HLA-DQB1: variants seen among roughly 807,000 people sequenced by gnomAD.
HLA-DQB1 encodes the protein HLA class II histocompatibility antigen, DQ beta 1 chain.
HLA-DQB1 carries 13 observed loss-of-function variants against 26.4 expected under a neutral mutation model. That is an observed-to-expected ratio of 0.49 (90% CI 0.32 to 0.78). HLA-DQB1 has a LOEUF of 0.78. Ranked by LOEUF, HLA-DQB1 falls within the 30% of genes least tolerant of loss-of-function variation. HLA-DQB1 has a pLI of 0.03. For missense variants in HLA-DQB1, 158 were observed against 326.2 expected, an observed-to-expected ratio of 0.48 and a Z score of 3.97; for synonymous variants, 60 against 129.1, an observed-to-expected ratio of 0.46 and a Z score of 3.63.
At chr6:32,666,450 A>T (rs183607390) in intron 1 of HLA-DQB1, 49 bp downstream of exon 1, 11,675 of 680,532 alleles carry the variant, frequency 0.017, 889 homozygotes, top group South Asian at 0.12. Context: ...GCCCAAGGAG[A>T]GCCTGTTCCC....
intron 3 of HLA-DQB1, 166 bp from the exon 4 acceptor site, chr6:32,661,623 A>T: frequency 2.4e-6 from 1 of 418,466 alleles, no homozygotes; most frequent in South Asian, 2.7e-5. Flanking sequence ...AGGTCCTTGG[A>T]TACAGTGAAT....
intron 4 of HLA-DQB1, chr6:32,660,770 C>A: frequency 1.4e-6 from 1 of 729,318 alleles, no homozygotes; most frequent in Non-Finnish European, 2.2e-6. Context: ...AGGCCATGAA[C>A]ATGGACCACT....
chr6:32,661,494 C>G, intron 3 of HLA-DQB1, 37 bp from the exon 4 acceptor site: 1 of 1,023,422 alleles, frequency 9.8e-7, no homozygotes, highest in Non-Finnish European at 1.4e-6. Context: ...TTTGTCCCCA[C>G]ACCCCATAGC....
At position 32,665,263 on chromosome 6, in the gene HLA-DQB1, C is replaced by A. The variant is rs281861890; in HGVS notation, c.110-196G>T. 2.3e-5 allele frequency among the ~76,000 whole-genome samples: 3 copies of A among 132,076 alleles called. No individual in the cohort carries two copies. In the Admixed American group the frequency reaches 2.4e-4, roughly 10 times the overall value. 86.6% of individuals were successfully genotyped at this position (132,076 alleles called of 152,430 possible). On this transcript the variant is annotated intron_variant, in intron 1 of 4. Transcript: ENST00000434651. The stretch of plus-strand genomic sequence containing the variant: ...CGCCTTCTTTGCGGGCTTCTGGAAT[C>A]TGCCTTCCTACATCCAGGAAAGGGA...
chr6:32,665,113 C>T lies in HLA-DQB1; in HGVS notation c.110-46G>A. 2.1e-6 allele frequency: 2 copies of T among 931,890 alleles called. 1 individual carries two copies. The highest frequency in any genetic ancestry group is 3.7e-5 in the South Asian group (2 of 54,774). 57.7% of individuals were successfully genotyped at this position (931,890 alleles called of 1,614,324 possible). The stretch of plus-strand genomic sequence containing the variant: ...GTCAGTCAGGCCCCAGCCCGGCCGC[C>T]CCCGCAGCCGCCGCCCTGACCCGGC... On this transcript the variant is annotated intron_variant, in intron 1 of 4. Transcript: ENST00000434651.
Position 32,665,216 on chromosome 6 carries a change from G to C in HLA-DQB1, c.110-149C>G, listed in dbSNP as rs281861928. The C allele has an allele frequency of 5.3e-5, 25 of 471,978 alleles. No individual in the cohort carries two copies. In the East Asian group the frequency reaches 6.3e-4, roughly 12 times the overall value. The allele number at this position is 471,978 out of a possible 1,614,324, so 29.2% of individuals were successfully genotyped here. ...GGCGCTCCAGACCTGGGATCCTCCC[G>C]GCGGCTCTGCCCAGCTCTGCCCGCC... is the stretch of plus-strand genomic sequence containing the variant. On this transcript the variant is annotated intron_variant, in intron 1 of 4. Coordinates refer to ENST00000434651, the Ensembl canonical transcript of HLA-DQB1.
chr6:32,662,202 G>T lies in HLA-DQB1; in HGVS notation c.426C>A (p.Asn142Lys), dbSNP rs746695492. 8.1e-6 allele frequency: 12 copies of T among 1,486,990 alleles called. 1 individual carries two copies. In the African/African-American group the frequency reaches 1.3e-4, roughly 16 times the overall value. The allele number at this position is 1,486,990 out of a possible 1,614,324, so 92.1% of individuals were successfully genotyped here. Residue 142 changes from asparagine to lysine, a missense_variant, in exon 3 of 5, where the codon AAC becomes AAA. Coordinates refer to ENST00000434651, the Ensembl canonical transcript of HLA-DQB1. ...CCGAGCAGACCAGCAGGTTGTGGTG[G>T]TTGAGGGCCTCTGTCCTGGATGGGG...
intron 4 of HLA-DQB1, chr6:32,660,849 GA>G: frequency 6.8e-7 from 1 of 1,480,504 alleles, no homozygotes; most frequent in Non-Finnish European, 9.1e-7. Context: ...GATCATGGCT[GA>G]AATATTACCT....
chr6:32,664,722 C>CGA lies in HLA-DQB1; in HGVS notation c.379+75_379+76insTC, dbSNP rs1334657097. ...TGGGCTCAGATTTCAGAGACCTCGC[C>CGA]CCCATCGCCCCTCCCGGCACAGAAA... is the stretch of plus-strand genomic sequence containing the variant. On this transcript the variant is annotated intron_variant, in intron 2 of 4. Coordinates refer to ENST00000434651, the Ensembl canonical transcript of HLA-DQB1. The CGA allele has an allele frequency of 1.9e-3, 1,024 of 550,438 alleles. 99 individuals carry two copies. Among genetic ancestry groups the CGA allele is most frequent in the South Asian group, 4.1e-3 (156 of 37,710 alleles). The allele number at this position is 550,438 out of a possible 1,614,324, so 34.1% of individuals were successfully genotyped here.
At chr6:32,660,299 T>A in intron 4 of HLA-DQB1, 50 bp from the exon 5 acceptor site, 2 of 956,428 alleles carry the variant, frequency 2.1e-6, no homozygotes, top group South Asian at 1.7e-5. Flanking sequence ...CTGGTGGGCC[T>A]GCCATCTCCC....
chr6:32,664,839 T>A, exon 2 of HLA-DQB1: 1 of 1,113,454 alleles, frequency 9.0e-7, no homozygotes, highest in South Asian at 1.3e-5. Context: ...CTCGTAGTTG[T>A]GTCTGCACAC....
chr6:32,659,986 A>T (rs1049219), exon 5 of HLA-DQB1: 56,137 of 275,198 alleles, frequency 0.2, 8,382 homozygotes, highest in South Asian at 0.25. Flanking sequence ...AGAAACAGAA[A>T]CCCCTTGGGA....
chr6:32,663,167 G>GGGA (rs1783354685), intron 2 of HLA-DQB1: 6 of 148,134 alleles, frequency 4.1e-5, no homozygotes, highest in Non-Finnish European at 6.0e-5. Flanking sequence ...CAGCTATGTG[G>GGGA]CCTTATAAGA....
chr6:32,666,633 G>T, exon 1 of HLA-DQB1: 1 of 858,854 alleles, frequency 1.2e-6, no homozygotes, highest in East Asian at 2.9e-5. Flanking sequence ...AAAAGCAGTG[G>T]TAGTCAACAC....
At chr6:32,661,144 G>A (rs34643393) in intron 4 of HLA-DQB1, among the ~76,000 whole-genome samples, 2,135 of 116,222 alleles carry the variant, frequency 0.018, 227 homozygotes, top group African/African-American at 0.056. Flanking sequence ...AGGATGCCCT[G>A]GAATAAGCTC....
chr6:32,660,769 A>G, intron 4 of HLA-DQB1: 1 of 723,326 alleles, frequency 1.4e-6, no homozygotes, highest in Non-Finnish European at 2.3e-6. Context: ...TAGGCCATGA[A>G]CATGGACCAC....
At chr6:32,663,668 G>A (rs281874810) in intron 2 of HLA-DQB1, 1 of 110,730 alleles carries the variant, frequency 9.0e-6, no homozygotes, top group African/African-American at 3.4e-5. Flanking sequence ...GAGATTAAAT[G>A]ACATAACATA....
At chr6:32,662,897 C>G (rs1143089) in intron 2 of HLA-DQB1, 100,040 of 135,140 alleles carry the variant, frequency 0.74, 39,497 homozygotes, top group East Asian at 0.91. Context: ...TTGCTATTGA[C>G]AATTACTTTC....
chr6:32,660,179 C>G (rs1063347), exon 5 of HLA-DQB1: 300,480 of 720,496 alleles, frequency 0.42, 112,235 homozygotes, highest in Admixed American at 0.63. Flanking sequence ...TCTGGGCAGG[C>G]ATAAGCAGGC....
Sources: allele counts gnomAD v4.1 joint callset (sites outside exome capture counted in the v4.1 genomes callset), GRCh38; gene constraint gnomAD v4.1.1; transcripts MANE v1.5; gene names NCBI Gene and HGNC (gene_info 2026-07-23, HGNC 2026-07-21).